NPHP1: variants seen among roughly 807,000 people sequenced by gnomAD.
NPHP1 encodes the protein nephrocystin 1.
A neutral mutation model predicts 90.4 loss-of-function variants in NPHP1; 70 were observed. The ratio of observed to expected loss-of-function variants is 0.77; its 90% confidence interval spans 0.64 to 0.95. The LOEUF (loss-of-function observed/expected upper bound fraction) is 0.95. Ranked by LOEUF, NPHP1 falls within the 40% of genes least tolerant of loss-of-function variation. The pLI, the probability that NPHP1 is intolerant of heterozygous loss-of-function variation, is 0.00. For synonymous variants in NPHP1, 256 were observed against 271.7 expected, an observed-to-expected ratio of 0.94 and a Z score of 0.57; for missense variants, 764 against 795.9, an observed-to-expected ratio of 0.96 and a Z score of 0.48.
At chr2:110,196,236 A>G (rs1366476937) in intron 2 of NPHP1, among the ~76,000 whole-genome samples, 1 of 152,114 alleles carries the variant, frequency 6.6e-6, no homozygotes, top group African/African-American at 2.4e-5. Flanking sequence ...AATGGGAGAA[A>G]ATTGTTGCAA....
chr2:110,149,440 C>T (rs1294128224), intron 12 of NPHP1, among the ~76,000 whole-genome samples: 3 of 152,134 alleles, frequency 2.0e-5, no homozygotes, highest in African/African-American at 7.2e-5. Flanking sequence ...CTAAGAAGAT[C>T]AAGATGGACT....
intron 16 of NPHP1, among the ~76,000 whole-genome samples, chr2:110,140,386 G>A (rs1165730885): frequency 1.3e-5 from 2 of 152,112 alleles, no homozygotes; most frequent in East Asian, 1.9e-4. Flanking sequence ...AACAAATGAC[G>A]CAGTCCTGAG....
chr2:110,139,312 C>T (rs1245600150), intron 16 of NPHP1, among the ~76,000 whole-genome samples: 5 of 152,114 alleles, frequency 3.3e-5, no homozygotes, highest in Non-Finnish European at 7.4e-5. Flanking sequence ...TCAGGGCTTT[C>T]CCTCCTCAGG....
intron 19 of NPHP1, chr2:110,125,076 A>C: frequency 1.1e-6 from 1 of 887,678 alleles, no homozygotes; most frequent in Non-Finnish European, 1.6e-6. Context: ...TTACAACACC[A>C]GAGCTGAGTA....
intron 15 of NPHP1, chr2:110,144,234 G>T: frequency 4.1e-6 from 2 of 483,414 alleles, no homozygotes; most frequent in Admixed American, 3.4e-5. Context: ...ACAAGTATCA[G>T]TTCAGTGGTC....
intron 2 of NPHP1, among the ~76,000 whole-genome samples, chr2:110,180,469 T>TTTTG (rs1683811518): frequency 6.9e-6 from 1 of 145,370 alleles, no homozygotes; most frequent in Non-Finnish European, 1.5e-5. Context: ...TTTTTTTTTT[T>TTTTG]TTGCTTATAG....
chr2:110,189,756 G>A (rs1455892024), intron 2 of NPHP1, among the ~76,000 whole-genome samples: 2 of 152,040 alleles, frequency 1.3e-5, no homozygotes. Flanking sequence ...TAGACACAAA[G>A]GTTCTCCAGG....
intron 2 of NPHP1, among the ~76,000 whole-genome samples, chr2:110,195,734 C>T (rs1286336954): frequency 6.6e-6 from 1 of 152,074 alleles, no homozygotes; most frequent in Non-Finnish European, 1.5e-5. Context: ...GGAGGCATCA[C>T]GCTACCTAAC....
chr2:110,132,374 G>T (rs1214765732), intron 16 of NPHP1, among the ~76,000 whole-genome samples: 1 of 152,168 alleles, frequency 6.6e-6, no homozygotes, highest in Non-Finnish European at 1.5e-5. Flanking sequence ...GTAAGTGTGG[G>T]CTGGGCATGG....
chr2:110,191,076 T>C (rs1205347131), intron 2 of NPHP1, among the ~76,000 whole-genome samples: 1 of 152,062 alleles, frequency 6.6e-6, no homozygotes, highest in Admixed American at 6.5e-5. Flanking sequence ...AGTCTACAGC[T>C]CCCAGAGTGA....
intron 18 of NPHP1, 77 bp downstream of exon 18, chr2:110,129,109 A>ATACCAGAT: frequency 1.9e-6 from 2 of 1,040,850 alleles, no homozygotes; most frequent in African/African-American, 1.6e-5. Flanking sequence ...AAAAAGGCCT[A>ATACCAGAT]GACAGAACTC....
intron 2 of NPHP1, among the ~76,000 whole-genome samples, chr2:110,182,500 GAAA>G (rs1683976465): frequency 6.6e-6 from 1 of 152,062 alleles, no homozygotes; most frequent in South Asian, 2.1e-4. Context: ...CATTCTTAAA[GAAA>G]AGAAATTTCC....
chr2:110,133,164 A>T (rs1330153614), intron 16 of NPHP1, among the ~76,000 whole-genome samples: 2 of 152,026 alleles, frequency 1.3e-5, no homozygotes, highest in African/African-American at 2.4e-5. Flanking sequence ...TCTATAAGAG[A>T]CTCACGGTAG....
intron 2 of NPHP1, among the ~76,000 whole-genome samples, chr2:110,197,169 T>C (rs1685230131): frequency 6.6e-6 from 1 of 152,006 alleles, no homozygotes; most frequent in Non-Finnish European, 1.5e-5. Flanking sequence ...GGAAGAATAA[T>C]TAATGGATGC....
At chr2:110,203,034 A>G (rs942287939) in intron 1 of NPHP1, among the ~76,000 whole-genome samples, 6 of 152,204 alleles carry the variant, frequency 3.9e-5, no homozygotes, top group Admixed American at 3.9e-4. Context: ...ATGCCCACCA[A>G]TGGTGGACTG....
intron 4 of NPHP1, among the ~76,000 whole-genome samples, chr2:110,177,712 C>A (rs1453302183): frequency 6.6e-6 from 1 of 152,000 alleles, no homozygotes; most frequent in Admixed American, 6.6e-5. Context: ...AACATACACT[C>A]TGGCAGACAA....
chr2:110,165,363 A>G (rs968056888), intron 6 of NPHP1, among the ~76,000 whole-genome samples: 2 of 152,190 alleles, frequency 1.3e-5, no homozygotes, highest in African/African-American at 4.8e-5. Context: ...ACTCAGTGGG[A>G]AATAAATTTT....
At position 110,147,616 on chromosome 2, in the gene NPHP1, C is replaced by T. The variant is rs936720264; in HGVS notation, c.1269+300G>A. Among the ~76,000 whole-genome samples, 12 of 152,248 alleles carry T rather than the reference C, an allele frequency of 7.9e-5. No homozygotes were observed. In the East Asian group the frequency reaches 1.7e-3, roughly 22 times the overall value. On this transcript the variant is annotated intron_variant, in intron 13 of 19. Coordinates refer to ENST00000445609, the MANE Select transcript of NPHP1 (RefSeq NM_001128178.3). ...CCTGGAAGACAGAGGTGAACCATGG[C>T]GCTGGGATGCCAGTGAGCATCTTTT... is the stretch of plus-strand genomic sequence containing the variant.
chr2:110,172,541 G>A lies in NPHP1; in HGVS notation c.330-2543C>T, dbSNP rs1181257528. On this transcript the variant is annotated intron_variant, in intron 4 of 19. Transcript: ENST00000445609. ...CACACCTGTAATCCCAGAACTTTGG[G>A]AGGCTGAGGTGGGAGGATTGCATAA... Among the ~76,000 whole-genome samples the A allele has an allele frequency of 2.6e-5, 4 of 152,012 alleles. 1 individual carries two copies. Among genetic ancestry groups the A allele is most frequent in the Non-Finnish European group, 5.9e-5 (4 of 68,016 alleles).
Sources: gnomAD v4.1 joint callset for allele counts (sites outside exome capture counted in the v4.1 genomes callset) on GRCh38, gnomAD v4.1.1 for gene constraint, MANE v1.5 for transcripts, NCBI Gene and HGNC (gene_info 2026-07-23, HGNC 2026-07-21) for gene names.